The following TASP1 variants were observed in gnomAD, a reference collection of about 807,000 sequenced individuals.
TASP1 encodes the protein threonine aspartase 1.
A neutral mutation model predicts 56.6 loss-of-function variants in TASP1; 16 were observed. The ratio of observed to expected loss-of-function variants is 0.28; its 90% CI spans 0.19 to 0.43. The LOEUF (loss-of-function observed/expected upper bound fraction) is 0.43. Ranked by LOEUF, TASP1 falls within the 20% of genes least tolerant of loss-of-function variation. TASP1 has a pLI of 1.00. For synonymous variants in TASP1, 179 were observed against 184.2 expected (o/e 0.97, Z 0.23); for missense variants, 393 against 511.6 (o/e 0.77, Z 2.24).
intron 8 of TASP1, among the ~76,000 whole-genome samples, chr20:13,543,959 T>C (rs895878512): frequency 6.6e-6 from 1 of 152,186 alleles, no homozygotes; most frequent in Non-Finnish European, 1.5e-5. Context: ...CACTCTTAAA[T>C]GAGTTTGTTC....
At chr20:13,485,314 C>T (rs1396631720) in intron 10 of TASP1, among the ~76,000 whole-genome samples, 1 of 152,056 alleles carries the variant, frequency 6.6e-6, no homozygotes, top group African/African-American at 2.4e-5. Flanking sequence ...CATTCCTCTC[C>T]AGTGTTGGAA....
the TASP1 span, among the ~76,000 whole-genome samples, chr20:13,363,802 C>A: frequency 6.6e-6 from 1 of 152,152 alleles, no homozygotes; most frequent in Non-Finnish European, 1.5e-5. Context: ...AGGGGGAACC[C>A]ACACATATCT....
chr20:13,363,282 A>G, the TASP1 span, among the ~76,000 whole-genome samples: 1 of 152,120 alleles, frequency 6.6e-6, no homozygotes, highest in South Asian at 2.1e-4. Context: ...GGACTTAATA[A>G]TCAATCATGC....
At chr20:13,528,977 G>A (rs1229998007) in intron 9 of TASP1, among the ~76,000 whole-genome samples, 7 of 152,142 alleles carry the variant, frequency 4.6e-5, no homozygotes, top group Admixed American at 6.6e-5. Context: ...CTGTTAACCA[G>A]GGCCATGGGG....
At chr20:13,477,748 G>T (rs2042994730) in intron 11 of TASP1, among the ~76,000 whole-genome samples, 1 of 152,156 alleles carries the variant, frequency 6.6e-6, no homozygotes, top group Non-Finnish European at 1.5e-5. Context: ...TCTATAATCA[G>T]CTGGTTAGCA....
the TASP1 span, among the ~76,000 whole-genome samples, chr20:13,356,637 T>A: frequency 6.6e-6 from 1 of 152,172 alleles, no homozygotes; most frequent in Non-Finnish European, 1.5e-5. Flanking sequence ...TATCAAAGCA[T>A]GAGATGCTCT....
the TASP1 span, among the ~76,000 whole-genome samples, chr20:13,336,282 T>C: frequency 6.6e-6 from 1 of 152,216 alleles, no homozygotes; most frequent in African/African-American, 2.4e-5. Flanking sequence ...AAATTCTTAA[T>C]ACTTTTATCT....
intron 12 of TASP1, among the ~76,000 whole-genome samples, chr20:13,418,632 C>G (rs2042339070): frequency 6.6e-6 from 1 of 152,190 alleles, no homozygotes; most frequent in East Asian, 1.9e-4. Context: ...GGGCTATTTA[C>G]ATAGCTTCAA....
At chr20:13,146,699 T>C in the TASP1 span, among the ~76,000 whole-genome samples, 4 of 152,192 alleles carry the variant, frequency 2.6e-5, no homozygotes, top group Admixed American at 2.6e-4. Flanking sequence ...GATCATTTGT[T>C]CCAAACAGTG....
chr20:13,181,064 T>C, the TASP1 span, among the ~76,000 whole-genome samples: 1 of 152,276 alleles, frequency 6.6e-6, no homozygotes, highest in African/African-American at 2.4e-5. Context: ...CAGCTCCCTA[T>C]CCCAAGCACC....
chr20:13,495,740 C>G (rs2043697480), intron 10 of TASP1, among the ~76,000 whole-genome samples: 1 of 152,130 alleles, frequency 6.6e-6, no homozygotes, highest in Non-Finnish European at 1.5e-5. Flanking sequence ...AAAGAAGGAA[C>G]TACATCAACT....
intron 10 of TASP1, among the ~76,000 whole-genome samples, chr20:13,517,773 G>T (rs993572081): frequency 2.6e-5 from 4 of 152,176 alleles, no homozygotes; most frequent in East Asian, 1.9e-4. Flanking sequence ...CTACATAATT[G>T]CATACCATCA....
intron 8 of TASP1, among the ~76,000 whole-genome samples, chr20:13,539,258 G>T (rs1013276956): frequency 2.0e-5 from 3 of 152,000 alleles, no homozygotes; most frequent in Non-Finnish European, 4.4e-5. Flanking sequence ...TTGTTTAATA[G>T]GTATGAATTA....
Position 13,390,363 on chromosome 20 carries a change from G to A in TASP1, c.1260C>T (p.Asn420=), listed in dbSNP as rs1387658003. ...GGVCRLESPV[N] is the part of the protein sequence containing the mutation. The stretch of plus-strand genomic sequence containing the variant: ...GCTTCACACTCAGCCTGAAGGGTCA[G>A]TTCACTGGGCTCTCCAGGCGGCACA... Residue 420 remains asparagine (N), a synonymous_variant, in exon 14 of 14, where the codon AAC becomes AAT. Coordinates refer to ENST00000337743, the MANE Select transcript of TASP1 (RefSeq NM_017714.3). The A allele has an allele frequency of 6.2e-7, 1 of 1,613,934 alleles. No homozygotes were observed.
At chr20:13,423,761 G>C (rs1010033290) in intron 12 of TASP1, among the ~76,000 whole-genome samples, 9 of 152,080 alleles carry the variant, frequency 5.9e-5, no homozygotes, top group African/African-American at 2.2e-4. Flanking sequence ...ATTTGATCCT[G>C]TTTTCATATA....
the TASP1 span, among the ~76,000 whole-genome samples, chr20:13,308,836 T>G: frequency 0.016 from 2,466 of 152,236 alleles, 66 homozygotes; most frequent in African/African-American, 0.057. Flanking sequence ...GGAACCCACA[T>G]GAATGAGATT....
At chr20:13,531,593 C>A (rs1445200118) in intron 9 of TASP1, among the ~76,000 whole-genome samples, 1 of 151,330 alleles carries the variant, frequency 6.6e-6, no homozygotes, top group Non-Finnish European at 1.5e-5. Flanking sequence ...CAGGTTCAAG[C>A]AATTCTCCTG....
At chr20:13,211,169 G>A in the TASP1 span, among the ~76,000 whole-genome samples, 2 of 152,026 alleles carry the variant, frequency 1.3e-5, no homozygotes, top group African/African-American at 4.8e-5. Flanking sequence ...TAAATAGCAT[G>A]GTCTAACAGT....
the TASP1 span, chr20:13,117,558 T>C: frequency 8.7e-6 from 14 of 1,612,174 alleles, no homozygotes; most frequent in Non-Finnish European, 1.1e-5. Flanking sequence ...AAAGAAGAAA[T>C]ACAAGGCTTA....
Sources: allele counts gnomAD v4.1 joint callset (sites outside exome capture counted in the v4.1 genomes callset), GRCh38; gene constraint gnomAD v4.1.1; transcripts MANE v1.5; gene names NCBI Gene and HGNC (gene_info 2026-07-23, HGNC 2026-07-21).